Variants in NTAN1 observed in about 807,000 individuals in gnomAD.
NTAN1 encodes protein N-terminal asparagine amidohydrolase.
NTAN1 carries 32 observed loss-of-function variants against 41.9 expected under a neutral mutation model. That is an observed-to-expected ratio of 0.76 (90% CI 0.58 to 1.03). The LOEUF (loss-of-function observed/expected upper bound fraction) is 1.03, where lower values mean the gene tolerates loss of function less well. Ranked by LOEUF, NTAN1 falls within the 50% of genes least tolerant of loss-of-function variation. NTAN1 has a pLI of 0.00. For synonymous variants in NTAN1, 140 were observed against 139.5 expected (o/e 1.00, Z -0.03); for missense variants, 377 against 377.5 (o/e 1.00, Z 0.01).
chr16:15,047,471 T>C lies in NTAN1; in HGVS notation c.330A>G (p.Lys110=), dbSNP rs1161472840. Residue 110 remains lysine (K), a synonymous_variant, in exon 4 of 10, where the codon AAA becomes AAG. Coordinates refer to ENST00000287706, the MANE Select transcript of NTAN1 (RefSeq NM_173474.4). ...AEVPLIMNSI[K]SFSDHAQCGR... Reference sequence around the variant, plus strand: ...CACATTGAGCGTGGTCAGAAAAGGATTTTATGGAGTTCATGATCAAGGGGA... The same window carrying C: ...CACATTGAGCGTGGTCAGAAAAGGACTTTATGGAGTTCATGATCAAGGGGA... 1.2e-6 allele frequency: 2 copies of C among 1,612,842 alleles called. No individual in the cohort carries two copies. The highest frequency in any genetic ancestry group is 1.7e-6 in the Non-Finnish European group (2 of 1,178,880).
chr16:15,054,837 A>G (rs1407464394), intron 1 of NTAN1, among the ~76,000 whole-genome samples: 1 of 152,218 alleles, frequency 6.6e-6, no homozygotes, highest in African/African-American at 2.4e-5. Context: ...CCAATAGAGA[A>G]CAAACAAGCA....
At chr16:15,055,757 G>A (rs906832362) in intron 1 of NTAN1, 134 bp downstream of exon 1, 119 of 437,766 alleles carry the variant, frequency 2.7e-4, no homozygotes, top group African/African-American at 2.2e-3. Context: ...AGGGGAAGAC[G>A]CGAGCCGACG....
chr16:15,038,448 G>A (rs1272092707), intron 9 of NTAN1, 126 bp downstream of exon 9: 11 of 644,232 alleles, frequency 1.7e-5, no homozygotes, highest in East Asian at 2.7e-5. Flanking sequence ...GTCTGTCAAT[G>A]GCATCCAAAA....
intron 1 of NTAN1, among the ~76,000 whole-genome samples, chr16:15,051,817 C>T (rs1387586396): frequency 6.6e-6 from 1 of 151,698 alleles, no homozygotes; most frequent in Non-Finnish European, 1.5e-5. Context: ...CCTCCCACCT[C>T]AGCCTCCTTT....
At chr16:15,041,798 C>T (rs1450387275) in intron 5 of NTAN1, 122 bp from the exon 6 acceptor site, 5 of 736,884 alleles carry the variant, frequency 6.8e-6, no homozygotes, top group East Asian at 2.6e-5. Flanking sequence ...CCCTACAGCC[C>T]GCGCCCACAC....
intron 9 of NTAN1, 69 bp downstream of exon 9, chr16:15,038,505 C>CT (rs1293604743): frequency 3.6e-5 from 33 of 926,438 alleles, no homozygotes; most frequent in South Asian, 6.0e-5. Flanking sequence ...GGTCTAAACC[C>CT]TTTTTTTCTT....
chr16:15,048,812 C>A (rs1012376997), intron 1 of NTAN1, among the ~76,000 whole-genome samples: 23 of 149,898 alleles, frequency 1.5e-4, no homozygotes, highest in African/African-American at 5.4e-4. Flanking sequence ...TTTGTAGCGA[C>A]GGGGTCTCCC....
chr16:15,047,530 T>C lies in NTAN1; in HGVS notation c.271A>G (p.Thr91Ala). Residue 91 changes from threonine to alanine, a missense_variant, in exon 4 of 10, where the codon ACA becomes GCA. Transcript: ENST00000287706. ...RHTGNGATCLTHCDGTDTKAE... is the reference protein window; with the variant it reads ...RHTGNGATCLAHCDGTDTKAE... The stretch of plus-strand genomic sequence containing the variant: ...TTGGTGTCGGTTCCGTCACAATGTG[T>C]CAAGCAGGTGGCCCCATTACCTGAA... 6.2e-7 allele frequency: 1 copy of C among 1,613,772 alleles called. No homozygotes were observed. Among genetic ancestry groups the C allele is most frequent in the Non-Finnish European group, 8.5e-7 (1 of 1,179,640 alleles).
At chr16:15,053,063 G>C (rs936358034) in intron 1 of NTAN1, among the ~76,000 whole-genome samples, 17 of 152,206 alleles carry the variant, frequency 1.1e-4, no homozygotes, top group South Asian at 2.1e-4. Context: ...CTGTCTGCTC[G>C]GCACTTGAAA....
Position 15,038,700 on chromosome 16 carries a change from G to A in NTAN1, c.640-13C>T, listed in dbSNP as rs202125067. ...AAATGCTAATCATCTAAAAAAGAAC[G>A]TGTCAAGGATAGAATTTCAGGAATG... is the stretch of plus-strand genomic sequence containing the variant. On this transcript the variant is annotated splice_polypyrimidine_tract_variant and intron_variant, in intron 8 of 9. Transcript: ENST00000287706. The A allele has an allele frequency of 2.0e-5, 28 of 1,420,714 alleles. No individual in the cohort carries two copies. The highest frequency in any genetic ancestry group is 7.1e-5 in the African/African-American group (5 of 70,912). The allele number at this position is 1,420,714 out of a possible 1,614,324, so 88.0% of individuals were successfully genotyped here. A position where few individuals can be genotyped will look rare whatever the true frequency, so the allele number is the denominator to read the frequency against.
chr16:15,055,570 G>T (rs1176024119), intron 1 of NTAN1, among the ~76,000 whole-genome samples: 1 of 152,252 alleles, frequency 6.6e-6, no homozygotes, highest in Non-Finnish European at 1.5e-5. Context: ...AGCCCTATGG[G>T]GGCTGCAGCC....
chr16:15,048,602 T>C (rs1367676962), intron 1 of NTAN1, among the ~76,000 whole-genome samples: 3 of 152,146 alleles, frequency 2.0e-5, no homozygotes, highest in African/African-American at 4.8e-5. Flanking sequence ...GAATAGTGGA[T>C]GGATGGCTCT....
rs766397985 is a variant in NTAN1 at position 15,047,856 on chromosome 16, T to G, written c.249A>C (p.Thr83=). The change falls in exon 3 of 10, where the codon ACA becomes ACC. Residue 83 remains threonine (T), a splice_region_variant and synonymous_variant. Coordinates refer to ENST00000287706, the MANE Select transcript of NTAN1 (RefSeq NM_173474.4). The stretch of plus-strand genomic sequence containing the variant: ...TTTCCTTCACCTCTCTCATCATACC[T>G]GTGTGCCTCAGGACCACAATGTGAC... ...TTCHIVVLRH[T]GNGATCLTHC... The G allele has an allele frequency of 6.2e-7, 1 of 1,610,254 alleles. No individual in the cohort carries two copies. Among genetic ancestry groups the G allele is most frequent in the Non-Finnish European group, 8.5e-7 (1 of 1,176,574 alleles).
At position 15,048,055 on chromosome 16, in the gene NTAN1, TC is replaced by T; in HGVS notation, c.125del (p.Gly42AspfsTer15). 6.2e-7 allele frequency: 1 copy of T among 1,613,326 alleles called. No homozygotes were observed. Among genetic ancestry groups the T allele is most frequent in the Non-Finnish European group, 8.5e-7 (1 of 1,179,418 alleles). ...GCTGAACATACAGAAGGCCCTGGGG[TC>T]CCACTTGTTGAACAGACTGACCTCT... ...LLRGQSVQQV[G>X]PQGLLYVQQR... On this transcript the variant is annotated frameshift_variant, in exon 2 of 10. Coordinates refer to ENST00000287706, the MANE Select transcript of NTAN1 (RefSeq NM_173474.4). LOFTEE classifies it high-confidence loss of function.
Position 15,041,428 on chromosome 16 carries a change from A to G in NTAN1, c.487+195T>C, listed in dbSNP as rs113766221. 4.0e-3 allele frequency among the ~76,000 whole-genome samples: 606 copies of G among 152,166 alleles called. 4 individuals are homozygous for G. Among genetic ancestry groups the G allele is most frequent in the African/African-American group, 0.013 (556 of 41,518 alleles). On this transcript the variant is annotated intron_variant, in intron 6 of 9. Coordinates refer to ENST00000287706, the MANE Select transcript of NTAN1 (RefSeq NM_173474.4). The stretch of plus-strand genomic sequence containing the variant: ...CCTTCCTGGTAGACGAGGGGGCTGC[A>G]CTGGAACTGAGGCTCGGCAGATGGT...
At chr16:15,039,190 A>G (rs1381697189) in intron 8 of NTAN1, among the ~76,000 whole-genome samples, 1 of 152,238 alleles carries the variant, frequency 6.6e-6, no homozygotes, top group Non-Finnish European at 1.5e-5. Context: ...TGGCAGCCTC[A>G]GCTTACCTAG....
rs551077348 is a variant in NTAN1, at chr16:15,052,826, C to CA, written c.81+3064dup. 3.6e-3 allele frequency among the ~76,000 whole-genome samples: 529 copies of CA among 146,108 alleles called. 3 individuals are homozygous for CA. The highest frequency in any genetic ancestry group is 5.0e-3 in the South Asian group (23 of 4,616). On this transcript the variant is annotated intron_variant, in intron 1 of 9. Coordinates refer to ENST00000287706, the MANE Select transcript of NTAN1 (RefSeq NM_173474.4). ...GGTGACAGAGCAAGGCTCTGTCTCT[C>CA]AAAAAAAAAATAAATAAATAAATAA...
At chr16:15,050,913 T>C (rs762912404) in intron 1 of NTAN1, among the ~76,000 whole-genome samples, 2 of 152,148 alleles carry the variant, frequency 1.3e-5, no homozygotes, top group Non-Finnish European at 2.9e-5. Flanking sequence ...TGAACTGCAG[T>C]GTAAAATTAG....
chr16:15,047,772 C>G (rs371003137), intron 3 of NTAN1, 83 bp downstream of exon 3: 1 of 1,201,284 alleles, frequency 8.3e-7, no homozygotes, highest in South Asian at 1.2e-5. Context: ...AACAAGACAC[C>G]AGGAAACTCA....
Sources: gnomAD v4.1 joint callset for allele counts (sites outside exome capture counted in the v4.1 genomes callset) on GRCh38, gnomAD v4.1.1 for gene constraint, MANE v1.5 for transcripts, NCBI Gene and HGNC (gene_info 2026-07-23, HGNC 2026-07-21) for gene names.